RPS24: variants seen among roughly 807,000 people sequenced by gnomAD.
RPS24 encodes the protein small ribosomal subunit protein eS24.
For missense variants in RPS24, 100 were observed against 162.5 expected (o/e 0.62, Z 2.09); for synonymous variants, 72 against 55.6 (o/e 1.30, Z -1.31).
downstream of RPS24, among the ~76,000 whole-genome samples, chr10:78,044,822 AAAT>A (rs1848026657): frequency 1.3e-5 from 2 of 150,944 alleles, no homozygotes; most frequent in South Asian, 4.2e-4. Flanking sequence ...TGGTTAAAGA[AAAT>A]AAAACGTTGG....
At chr10:78,039,517 T>C (rs1302698786) in intron 4 of RPS24, 1 of 152,708 alleles carries the variant, frequency 6.5e-6, no homozygotes, top group African/African-American at 2.4e-5. Context: ...AGAAATGCCA[T>C]AGCAATATTG....
chr10:78,053,749 G>A (rs1451660868), intron 4 of RPS24, among the ~76,000 whole-genome samples: 1 of 152,142 alleles, frequency 6.6e-6, no homozygotes, highest in Non-Finnish European at 1.5e-5. Context: ...ACCGGATGAA[G>A]GGGTGTCTCC....
chr10:78,043,201 C>T (rs1051299585), downstream of RPS24, among the ~76,000 whole-genome samples: 7 of 152,142 alleles, frequency 4.6e-5, no homozygotes, highest in African/African-American at 1.7e-4. Context: ...GATGGGGTTT[C>T]ACCATGTTAG....
chr10:78,036,997 C>T (rs1847883302), intron 3 of RPS24, among the ~76,000 whole-genome samples, 197 bp from the exon 4 acceptor site: 1 of 152,198 alleles, frequency 6.6e-6, no homozygotes, highest in South Asian at 2.1e-4. Flanking sequence ...CATTTGTTTC[C>T]TGTGAGGCTA....
downstream of RPS24, chr10:78,040,752 G>T: frequency 7.6e-7 from 1 of 1,309,012 alleles, no homozygotes; most frequent in Non-Finnish European, 1.1e-6. Flanking sequence ...TAGGAGGTTA[G>T]TCTGCTGATT....
At chr10:78,044,002 T>C (rs890354581), downstream of RPS24, among the ~76,000 whole-genome samples, 2 of 152,174 alleles carry the variant, frequency 1.3e-5, no homozygotes, top group African/African-American at 4.8e-5. Context: ...CCATCAAGAA[T>C]GTGAATACAT....
At chr10:78,037,003 G>A (rs1847883482) in intron 3 of RPS24, among the ~76,000 whole-genome samples, 191 bp from the exon 4 acceptor site, 1 of 152,166 alleles carries the variant, frequency 6.6e-6, no homozygotes, top group Admixed American at 6.5e-5. Context: ...TTTCCTGTGA[G>A]GCTATTCCAT....
intron 4 of RPS24, among the ~76,000 whole-genome samples, chr10:78,050,169 C>G (rs1848084856): frequency 6.6e-6 from 1 of 152,150 alleles, no homozygotes; most frequent in African/African-American, 2.4e-5. Flanking sequence ...CTCTCTCTCT[C>G]TCTCTACAGG....
chr10:78,046,518 C>G (rs1319305464), intron 4 of RPS24, among the ~76,000 whole-genome samples: 1 of 151,868 alleles, frequency 6.6e-6, no homozygotes, highest in African/African-American at 2.4e-5. Context: ...ACCACCACAC[C>G]TGGCTAATTT....
chr10:78,053,195 AAAAAG>A (rs1016745441), intron 4 of RPS24, among the ~76,000 whole-genome samples: 13 of 151,622 alleles, frequency 8.6e-5, no homozygotes, highest in Middle Eastern at 3.4e-3. Flanking sequence ...ACAAAAAAAA[AAAAAG>A]AAAAGAAAAA....
At chr10:78,048,790 G>A (rs1848070231) in intron 4 of RPS24, among the ~76,000 whole-genome samples, 3 of 148,748 alleles carry the variant, frequency 2.0e-5, no homozygotes, top group Non-Finnish European at 3.0e-5. Flanking sequence ...CAGAAGAATC[G>A]CTTGAACCTG....
In RPS24 at chr10:78,054,954, C is replaced by T. The variant is rs887277964; in HGVS notation, c.814C>T (p.His272Tyr). Residue 272 changes from histidine (H) to tyrosine (Y), a missense_variant, in exon 5 of 5, where the codon CAC (histidine) becomes TAC (tyrosine). His to Tyr is a moderately conservative substitution (Grantham distance 83). Coordinates refer to the RPS24 transcript ENST00000440692. ...GTCTTTTGGCCCTTTCTTTGAAATC[C>T]ACCAGGAATCCAGCTGCTTCTCCCC... 81 of 1,490,224 alleles carry T rather than the reference C, an allele frequency of 5.4e-5. No individual in the cohort carries two copies. The highest frequency in any genetic ancestry group is 7.2e-5 in the Non-Finnish European group (80 of 1,114,320). 92.3% of individuals were successfully genotyped at this position (1,490,224 alleles called of 1,614,324 possible).
At chr10:78,037,902 CTT>C (rs55902139) in intron 4 of RPS24, 18,367 of 375,196 alleles carry the variant, frequency 0.049, 46 homozygotes, top group African/African-American at 0.12. Context: ...GTTCTGTGAA[CTT>C]TTTTTTTTTT....
chr10:78,055,086 G>T (rs532561240), exon 5 of RPS24: 28 of 1,445,500 alleles, frequency 1.9e-5, no homozygotes, highest in African/African-American at 2.9e-5. Flanking sequence ...TCAGCAGCCA[G>T]CAGGGCACTG....
intron 1 of RPS24, among the ~76,000 whole-genome samples, chr10:78,034,906 T>G (rs1049503161): frequency 2.6e-5 from 4 of 152,226 alleles, no homozygotes; most frequent in Non-Finnish European, 5.9e-5. Context: ...ATTTTTCTCC[T>G]AAGGGAACAG....
At chr10:78,034,890 G>A (rs1050643346) in intron 1 of RPS24, among the ~76,000 whole-genome samples, 1 of 152,186 alleles carries the variant, frequency 6.6e-6, no homozygotes, top group African/African-American at 2.4e-5. Flanking sequence ...TTCTCAACCC[G>A]GAGTGATTTT....
At chr10:78,037,619 C>G (rs1847900957) in intron 4 of RPS24, 2 of 353,532 alleles carry the variant, frequency 5.7e-6, no homozygotes, top group Non-Finnish European at 5.3e-6. Context: ...TGGCATAGAA[C>G]CTTCAATGCA....
intron 4 of RPS24, chr10:78,038,733 G>A (rs77011538): frequency 3.3e-5 from 5 of 152,068 alleles, no homozygotes; most frequent in African/African-American, 1.2e-4. Context: ...TGTACCTCCC[G>A]GGCTTGGGTG....
intron 4 of RPS24, 100 bp downstream of exon 4, chr10:78,037,404 A>T (rs1847895785): frequency 6.7e-7 from 1 of 1,485,174 alleles, no homozygotes; most frequent in Admixed American, 2.5e-5. Flanking sequence ...ACTTTTCTTA[A>T]TGTTTCTTCT....
Sources: allele counts gnomAD v4.1 joint callset (sites outside exome capture counted in the v4.1 genomes callset), GRCh38; gene constraint gnomAD v4.1.1; transcripts MANE v1.5; gene names NCBI Gene and HGNC (gene_info 2026-07-23, HGNC 2026-07-21).